The following UBA2 variants were observed in gnomAD, a reference collection of about 807,000 sequenced individuals.
UBA2 encodes the protein ubiquitin like modifier activating enzyme 2.
A neutral mutation model predicts 77.2 loss-of-function variants in UBA2; 11 were observed. The ratio of observed to expected loss-of-function variants is 0.14; its 90% CI spans 0.09 to 0.24. The LOEUF is 0.24. UBA2 is among the 10% of genes least tolerant of loss of function. The pLI, the probability that UBA2 is intolerant of heterozygous loss-of-function variation, is 1.00. For synonymous variants in UBA2, 278 were observed against 276.7 expected (o/e 1.00, Z -0.05); for missense variants, 487 against 781.7 (o/e 0.62, Z 4.50).
At chr19:34,433,266 T>C in intron 3 of UBA2, 82 bp from the exon 4 acceptor site, 1 of 1,003,570 alleles carries the variant, frequency 1.0e-6, no homozygotes, top group Non-Finnish European at 1.5e-6. Context: ...TTACTATGTT[T>C]TTTTCAGAAC....
chr19:34,453,138 C>T (rs987312463), intron 10 of UBA2, among the ~76,000 whole-genome samples: 8 of 152,116 alleles, frequency 5.3e-5, no homozygotes, highest in African/African-American at 1.9e-4. Context: ...CTCACCACAC[C>T]TTATGAGATG....
chr19:34,434,138 G>A (rs994950746), intron 4 of UBA2, among the ~76,000 whole-genome samples: 1 of 151,886 alleles, frequency 6.6e-6, no homozygotes, highest in East Asian at 1.9e-4. Context: ...TTTAAGGCTT[G>A]GGGGGTCTCA....
At chr19:34,445,653 G>T (rs908159986) in intron 8 of UBA2, among the ~76,000 whole-genome samples, 5 of 151,804 alleles carry the variant, frequency 3.3e-5, no homozygotes, top group African/African-American at 9.7e-5. Context: ...GGCCAGGTAG[G>T]TCATGAACTC....
chr19:34,457,981 C>A (rs983556032), intron 12 of UBA2, among the ~76,000 whole-genome samples: 11 of 152,040 alleles, frequency 7.2e-5, no homozygotes, highest in Admixed American at 6.6e-4. Context: ...TTATTCTAAT[C>A]AGAAAATTTG....
At chr19:34,456,618 C>T (rs942652437) in intron 12 of UBA2, among the ~76,000 whole-genome samples, 10 of 150,714 alleles carry the variant, frequency 6.6e-5, no homozygotes, top group African/African-American at 2.0e-4. Context: ...AGTGCAGTGG[C>T]GCGATCTCAG....
chr19:34,438,516 A>G (rs1055343183), intron 5 of UBA2, 129 bp from the exon 6 acceptor site: 13 of 1,140,484 alleles, frequency 1.1e-5, no homozygotes, highest in African/African-American at 6.3e-5. Context: ...TGGAGTCACT[A>G]ATATTTTAAA....
At chr19:34,451,715 T>A (rs1000585031) in intron 9 of UBA2, among the ~76,000 whole-genome samples, 1 of 151,850 alleles carries the variant, frequency 6.6e-6, no homozygotes, top group Non-Finnish European at 1.5e-5. Flanking sequence ...GCCTGCATAT[T>A]TTTTGTATTT....
In UBA2 at chr19:34,469,350, A is replaced by G; in HGVS notation, c.*129A>G. ...TTGAAAATGATTCTGCTCCCTTTGA[A>G]AGCATTCATTTTGCTAGAACTGTTA... On this transcript the variant is annotated 3_prime_UTR_variant, in exon 17 of 17. Coordinates refer to ENST00000246548, the MANE Select transcript of UBA2 (RefSeq NM_005499.3). 2.5e-6 allele frequency: 2 copies of G among 803,598 alleles called. No individual in the cohort carries two copies. Among genetic ancestry groups the G allele is most frequent in the Non-Finnish European group, 3.6e-6 (2 of 560,002 alleles). 49.8% of individuals were successfully genotyped at this position (803,598 alleles called of 1,614,324 possible).
chr19:34,429,842 CAAAG>C (rs986937760), intron 1 of UBA2, among the ~76,000 whole-genome samples: 4 of 152,014 alleles, frequency 2.6e-5, no homozygotes, highest in South Asian at 4.2e-4. Context: ...TCTCAAAAAA[CAAAG>C]AAAAAGAACA....
chr19:34,452,007 C>G lies in UBA2; in HGVS notation c.898C>G (p.Gln300Glu), dbSNP rs1016724446. The part of the protein sequence containing the change: ...QGEETNASDQ[Q>E]NEPQLGLKDQ... ...AGAAGAAACGAATGCATCAGATCAA[C>G]AGAATGAACCCCAGTTAGGCCTGAA... The change falls in exon 10 of 17, where the codon CAG becomes GAG. Residue 300 changes from glutamine (Q) to glutamate (E), a missense_variant. By Grantham distance (29) the Gln-to-Glu change is conservative (BLOSUM62 2). This residue lies in a region of UBA2 where 300 missense variants were observed against 454.3 expected (regional missense o/e 0.66). Transcript: ENST00000246548. The G allele has an allele frequency of 1.9e-6, 3 of 1,588,314 alleles. No homozygotes were observed. In the African/African-American group the frequency reaches 4.1e-5, roughly 21 times the overall value.
chr19:34,454,725 T>C (rs574214652), intron 12 of UBA2, among the ~76,000 whole-genome samples, 169 bp downstream of exon 12: 2 of 152,214 alleles, frequency 1.3e-5, no homozygotes, highest in African/African-American at 4.8e-5. Flanking sequence ...TCCTGGAAAT[T>C]GCAACAAAAA....
rs182241369 is a variant in UBA2, at chr19:34,428,805, G to C, written c.138+235G>C. ...GGCTCCGGACGCCGAGGAGGCCGCGGGCCCCCGCCTCCCCGGCAGCGCCAA... is the reference window on the plus strand; with the variant it reads ...GGCTCCGGACGCCGAGGAGGCCGCGCGCCCCCGCCTCCCCGGCAGCGCCAA... On this transcript the variant is annotated intron_variant, in intron 1 of 16. Transcript: ENST00000246548. 5.3e-4 allele frequency: 609 copies of C among 1,156,636 alleles called. 2 individuals carry two copies. The East Asian group carries it at 0.02, about 38-fold the overall frequency. 71.6% of individuals were successfully genotyped at this position (1,156,636 alleles called of 1,614,324 possible).
At chr19:34,435,957 C>A (rs1047466502) in intron 5 of UBA2, among the ~76,000 whole-genome samples, 1 of 151,754 alleles carries the variant, frequency 6.6e-6, no homozygotes. Flanking sequence ...CCTGTCTCTA[C>A]TAAAAATACA....
At chr19:34,428,767 C>A (rs1393523238) in intron 1 of UBA2, 197 bp downstream of exon 1, 1 of 1,137,672 alleles carries the variant, frequency 8.8e-7, no homozygotes, top group Non-Finnish European at 1.1e-6. Flanking sequence ...GGCGGGCCTC[C>A]GCTCGCTGGG....
At position 34,428,462 on chromosome 19, in the gene UBA2, G is replaced by C; in HGVS notation, c.30G>C (p.Glu10Asp). 1 of 1,286,190 alleles carries C rather than the reference G, an allele frequency of 7.8e-7. No homozygotes were observed. The highest frequency in any genetic ancestry group is 9.9e-7 in the Non-Finnish European group (1 of 1,011,954). The allele number at this position is 1,286,190 out of a possible 1,614,324, so 79.7% of individuals were successfully genotyped here. Residue 10 changes from glutamate (E) to aspartate (D), a missense_variant, in exon 1 of 17, where the codon GAG becomes GAC. Glu to Asp is a conservative substitution (Grantham distance 45, BLOSUM62 2). Coordinates refer to ENST00000246548, the MANE Select transcript of UBA2 (RefSeq NM_005499.3). MALSRGLPR[E>D]LAEAVAGGRV... ...CACTGTCGCGGGGGCTGCCCCGGGAGCTGGCTGAGGCGGTGGCCGGGGGCC... is the reference window on the plus strand; with the variant it reads ...CACTGTCGCGGGGGCTGCCCCGGGACCTGGCTGAGGCGGTGGCCGGGGGCC...
chr19:34,450,227 G>C, intron 8 of UBA2, 38 bp from the exon 9 acceptor site: 2 of 1,408,972 alleles, frequency 1.4e-6, no homozygotes, highest in Non-Finnish European at 2.0e-6. Flanking sequence ...ATCAATTAGG[G>C]ATTATGGGGT....
chr19:34,448,001 TGACTG>T (rs912812338), intron 8 of UBA2, among the ~76,000 whole-genome samples: 8 of 152,122 alleles, frequency 5.3e-5, no homozygotes, highest in Non-Finnish European at 1.0e-4. Flanking sequence ...TGGAAAAAGA[TGACTG>T]GAGAGAGAAG....
chr19:34,456,095 CTTTTCT>C (rs1331218577), intron 12 of UBA2, among the ~76,000 whole-genome samples: 1,770 of 69,530 alleles, frequency 0.025, 128 homozygotes, highest in South Asian at 0.043. Flanking sequence ...TCTTTTTTTC[CTTTTCT>C]TTTTCTTTTT....
chr19:34,462,136 C>T, intron 14 of UBA2, among the ~76,000 whole-genome samples: 1 of 152,250 alleles, frequency 6.6e-6, no homozygotes, highest in East Asian at 1.9e-4. Context: ...TCTCCCTTGA[C>T]CCCTACCCTC....
Sources: gnomAD v4.1 joint callset for allele counts (sites outside exome capture counted in the v4.1 genomes callset) on GRCh38, gnomAD v4.1.1 for gene constraint, gnomAD v4.1.1 regional missense constraint, MANE v1.5 for transcripts, NCBI Gene and HGNC (gene_info 2026-07-23, HGNC 2026-07-21) for gene names.